CC2D2A: variants seen among roughly 807,000 people sequenced by gnomAD.
CC2D2A encodes coiled-coil and C2 domain-containing protein 2A.
Under a neutral mutation model 212.9 loss-of-function variants are expected in CC2D2A, and 155 were observed. The observed-to-expected ratio is 0.73, with a 90% CI of 0.64 to 0.83. CC2D2A has a LOEUF of 0.83. Ranked by LOEUF, CC2D2A falls within the 40% of genes least tolerant of loss-of-function variation. The pLI is 0.00. For missense variants in CC2D2A, 1,856 were observed against 1,956.2 expected (o/e 0.95, Z 0.97); for synonymous variants, 667 against 686.5 (o/e 0.97, Z 0.44).
chr4:15,480,605 C>T (rs1215640624), intron 3 of CC2D2A, 99 bp from the exon 4 acceptor site: 3 of 1,389,092 alleles, frequency 2.2e-6, no homozygotes, highest in South Asian at 1.5e-5. Context: ...GTGAATAGTA[C>T]TAAGGCCTGT....
chr4:15,490,503 A>G (rs80301392), intron 4 of CC2D2A, among the ~76,000 whole-genome samples: 304 of 152,324 alleles, frequency 2.0e-3, no homozygotes, highest in African/African-American at 7.1e-3. Context: ...TTGATGAATT[A>G]TATTTCATCA....
At position 15,580,005 on chromosome 4, in the gene CC2D2A, C is replaced by A; in HGVS notation, c.3809C>A (p.Thr1270Asn). ...SQEDEKLLQA[T>N]EKFQAECALK... ...GAAGATGAGAAATTACTTCAAGCAACTGAGAAGTTTCAAGCTGAATGTGCC... is the reference window on the plus strand; with the variant it reads ...GAAGATGAGAAATTACTTCAAGCAAATGAGAAGTTTCAAGCTGAATGTGCC... Residue 1270 changes from threonine (T) to asparagine (N), a missense_variant, in exon 30 of 37, where the codon ACT (threonine) becomes AAT (asparagine). Thr to Asn is a moderately conservative substitution (Grantham distance 65, BLOSUM62 0). Around this residue, in one of 5 missense-constraint regions of CC2D2A, gnomAD observed 1,512 missense variants for 1,579.3 expected, o/e 0.96. Transcript: ENST00000424120. The A allele has an allele frequency of 6.2e-7, 1 of 1,613,782 alleles. No individual in the cohort carries two copies. Among genetic ancestry groups the A allele is most frequent in the Non-Finnish European group, 8.5e-7 (1 of 1,179,830 alleles).
Position 15,580,123 on chromosome 4 carries a change from T to TCC in CC2D2A, c.3928_3929dup (p.Gln1311LeufsTer25). Reference sequence around the variant, plus strand: ...CACGTTATCTCAAACCTTTAAACCCTCCTCAGGAGCTCCTTAATGTCTACC... The same window carrying TCC: ...CACGTTATCTCAAACCTTTAAACCCTCCCCTCAGGAGCTCCTTAATGTCTACC... On this transcript the variant is annotated frameshift_variant, in exon 30 of 37. Transcript: ENST00000424120. LOFTEE classifies it high-confidence loss of function. The TCC allele has an allele frequency of 6.2e-7, 1 of 1,613,918 alleles. No individual in the cohort carries two copies. The highest frequency in any genetic ancestry group is 8.5e-7 in the Non-Finnish European group (1 of 1,179,860).
At chr4:15,551,576 C>A (rs566061691) in intron 18 of CC2D2A, among the ~76,000 whole-genome samples, 1 of 152,220 alleles carries the variant, frequency 6.6e-6, no homozygotes, top group East Asian at 1.9e-4. Flanking sequence ...CTAATCCTTT[C>A]TGTTTTTCCT....
At chr4:15,587,747 G>C (rs1209793304) in intron 31 of CC2D2A, 69 bp from the exon 32 acceptor site, 10 of 829,164 alleles carry the variant, frequency 1.2e-5, no homozygotes, top group South Asian at 1.5e-5. Context: ...TGACATATTA[G>C]AATCCTGCAC....
chr4:15,592,678 A>T (rs1271547639), intron 33 of CC2D2A, among the ~76,000 whole-genome samples: 1 of 152,152 alleles, frequency 6.6e-6, no homozygotes, highest in African/African-American at 2.4e-5. Flanking sequence ...AAGATTCTAT[A>T]TTTAGATTCT....
At chr4:15,560,662 AATT>A (rs1719540374) in intron 23 of CC2D2A, 40 bp downstream of exon 23, 2 of 873,274 alleles carry the variant, frequency 2.3e-6, no homozygotes, top group African/African-American at 1.7e-5. Context: ...TTCTTATAAA[AATT>A]ATTATTTATA....
At chr4:15,517,896 C>T (rs1207604272) in intron 11 of CC2D2A, among the ~76,000 whole-genome samples, 1 of 152,160 alleles carries the variant, frequency 6.6e-6, no homozygotes, top group African/African-American at 2.4e-5. Context: ...AAAAAGAGAG[C>T]TTGTGCAGGG....
intron 4 of CC2D2A, among the ~76,000 whole-genome samples, chr4:15,492,500 G>T (rs917900): frequency 0.22 from 32,987 of 149,114 alleles, 3,710 homozygotes; most frequent in African/African-American, 0.29. Context: ...TCTTTTTTTT[G>T]TTTGTTTGTT....
chr4:15,581,535 TACAG>T (rs1720664695), intron 30 of CC2D2A, among the ~76,000 whole-genome samples: 1 of 152,210 alleles, frequency 6.6e-6, no homozygotes, highest in Admixed American at 6.5e-5. Flanking sequence ...TGCATGGGGC[TACAG>T]CAGCCTGGAA....
In CC2D2A at chr4:15,563,481, T is replaced by C. The variant is rs1553839718; in HGVS notation, c.3141T>C (p.Ile1047=). The C allele has an allele frequency of 6.2e-7, 1 of 1,612,558 alleles. No homozygotes were observed. Among genetic ancestry groups the C allele is most frequent in the East Asian group, 2.2e-5 (1 of 44,770 alleles). ...SDGDIKLLVN[I]VRAYDIPVRK... ...GAGACATAAAGCTGCTGGTGAACATTGTGCGAGCTTACGACATTCCAGTGA... is the reference window on the plus strand; with the variant it reads ...GAGACATAAAGCTGCTGGTGAACATCGTGCGAGCTTACGACATTCCAGTGA... Residue 1047 remains isoleucine (I), a synonymous_variant, in exon 24 of 37, where the codon ATT becomes ATC. Transcript: ENST00000424120.
chr4:15,496,349 G>T (rs1715615805), intron 4 of CC2D2A, among the ~76,000 whole-genome samples: 1 of 152,076 alleles, frequency 6.6e-6, no homozygotes, highest in South Asian at 2.1e-4. Flanking sequence ...TACTTTTAGG[G>T]TTTCTAAAGT....
intron 23 of CC2D2A, 55 bp from the exon 24 acceptor site, chr4:15,563,300 A>C: frequency 2.0e-6 from 3 of 1,507,652 alleles, no homozygotes; most frequent in Non-Finnish European, 8.9e-7. Context: ...GTCGTCTCAC[A>C]ATTTTGCAGA....
At chr4:15,586,783 A>G (rs1250391372) in intron 31 of CC2D2A, among the ~76,000 whole-genome samples, 1 of 152,216 alleles carries the variant, frequency 6.6e-6, no homozygotes, top group African/African-American at 2.4e-5. Flanking sequence ...AAACAAGCAT[A>G]TATTATCACA....
At chr4:15,553,459 A>G (rs566470559) in intron 19 of CC2D2A, among the ~76,000 whole-genome samples, 154 bp downstream of exon 19, 40 of 150,458 alleles carry the variant, frequency 2.7e-4, no homozygotes, top group African/African-American at 8.4e-4. Flanking sequence ...AAAACAAAAA[A>G]TGTTTTATAA....
intron 18 of CC2D2A, among the ~76,000 whole-genome samples, chr4:15,552,079 A>C (rs1220996758): frequency 6.6e-6 from 1 of 152,210 alleles, no homozygotes; most frequent in Non-Finnish European, 1.5e-5. Context: ...TATGAAGGAA[A>C]GATCTAGAGT....
chr4:15,571,624 C>T (rs1048263396), intron 28 of CC2D2A, among the ~76,000 whole-genome samples: 2 of 149,662 alleles, frequency 1.3e-5, no homozygotes, highest in East Asian at 3.9e-4. Flanking sequence ...AAAAAAAGAC[C>T]AAAACTCAAG....
At chr4:15,588,419 T>C (rs181471969) in intron 32 of CC2D2A, among the ~76,000 whole-genome samples, 13 of 152,324 alleles carry the variant, frequency 8.5e-5, no homozygotes, top group Admixed American at 3.3e-4. Context: ...TTAGCAGCTT[T>C]ATTTTTATAT....
At chr4:15,514,428 T>C (rs1162457152) in intron 8 of CC2D2A, among the ~76,000 whole-genome samples, 2 of 152,244 alleles carry the variant, frequency 1.3e-5, no homozygotes, top group Non-Finnish European at 2.9e-5. Context: ...GAGGCCAGAT[T>C]TGTTGGGATT....
Sources: gnomAD v4.1 joint callset for allele counts (sites outside exome capture counted in the v4.1 genomes callset) on GRCh38, gnomAD v4.1.1 for gene constraint, gnomAD v4.1.1 regional missense constraint, MANE v1.5 for transcripts, NCBI Gene and HGNC (gene_info 2026-07-23, HGNC 2026-07-21) for gene names.